CROT: variants seen among roughly 807,000 people sequenced by gnomAD.
The protein encoded by CROT is carnitine O-octanoyltransferase.
Under a neutral mutation model 89.2 loss-of-function variants are expected in CROT, and 84 were observed. The ratio of observed to expected loss-of-function variants is 0.94; its 90% CI spans 0.79 to 1.13. The LOEUF is 1.13. Ranked by LOEUF, CROT falls within the 50% of genes most tolerant of loss-of-function variation. CROT has a pLI of 0.00. For synonymous variants in CROT, 212 were observed against 239.5 expected, an observed-to-expected ratio of 0.89 and a Z score of 1.06; for missense variants, 711 against 727.8, an observed-to-expected ratio of 0.98 and a Z score of 0.27.
chr7:87,360,921 C>A (rs1044962996), intron 4 of CROT, among the ~76,000 whole-genome samples: 3 of 152,248 alleles, frequency 2.0e-5, no homozygotes, highest in South Asian at 4.1e-4. Context: ...GAAATTATCA[C>A]AATAACATTT....
At chr7:87,387,517 G>A (rs7800628) in intron 13 of CROT, among the ~76,000 whole-genome samples, 12,340 of 151,302 alleles carry the variant, frequency 0.082, 541 homozygotes, top group South Asian at 0.16. Context: ...GGGTCCCCAA[G>A]CCCCCAGTGC....
intron 13 of CROT, among the ~76,000 whole-genome samples, chr7:87,384,732 T>TC (rs572565226): frequency 6.6e-6 from 1 of 152,222 alleles, no homozygotes; most frequent in South Asian, 2.1e-4. Flanking sequence ...ATCCCATTCG[T>TC]CCATTTCTGC....
At chr7:87,350,059 C>T (rs979121070) in intron 3 of CROT, among the ~76,000 whole-genome samples, 7 of 152,080 alleles carry the variant, frequency 4.6e-5, no homozygotes, top group African/African-American at 1.7e-4. Context: ...ACAATAAACA[C>T]AACAGAAATA....
intron 3 of CROT, among the ~76,000 whole-genome samples, chr7:87,357,125 G>A (rs989603160): frequency 5.3e-5 from 8 of 152,152 alleles, no homozygotes; most frequent in Non-Finnish European, 1.2e-4. Flanking sequence ...AGGCAAGTGT[G>A]GAAAGTGAAT....
rs1347957160 is a variant in CROT at position 87,371,808 on chromosome 7, T to C, written c.656+2324T>C. Among the ~76,000 whole-genome samples the C allele has an allele frequency of 2.0e-5, 3 of 151,930 alleles. No individual in the cohort carries two copies. In the East Asian group the frequency reaches 5.8e-4, roughly 29 times the overall value. On this transcript the variant is annotated intron_variant, in intron 7 of 17. Transcript: ENST00000331536. ...GAGTTGAAGACCAGCCTGGGCAACA[T>C]AGGGGGACCCTGTCTCTATAAAAAG...
intron 6 of CROT, among the ~76,000 whole-genome samples, chr7:87,368,562 A>G (rs569666146): frequency 1.3e-5 from 2 of 152,210 alleles, no homozygotes; most frequent in Admixed American, 6.5e-5. Context: ...GTTCTTCCTC[A>G]TAGTTGATGA....
Position 87,361,511 on chromosome 7 carries a change from A to G in CROT, c.362A>G (p.Gln121Arg), listed in dbSNP as rs140945935. ...EHYWPPKEGT[Q>R]LERGSITLWH... is the part of the protein sequence containing the mutation. ...TACTGGCCTCCAAAGGAAGGGACTCAATTAGAAAGAGGAAGTATAACTCTT... is the reference window on the plus strand; with the variant it reads ...TACTGGCCTCCAAAGGAAGGGACTCGATTAGAAAGAGGAAGTATAACTCTT... Residue 121 changes from glutamine (Q) to arginine (R), a missense_variant, in exon 5 of 18, where the codon CAA (glutamine) becomes CGA (arginine). By Grantham distance (43) the Gln-to-Arg change is conservative. Transcript: ENST00000331536. 4 of 1,612,064 alleles carry G rather than the reference A, an allele frequency of 2.5e-6. No individual in the cohort carries two copies. In the African/African-American group the frequency reaches 5.4e-5, roughly 22 times the overall value.
intron 17 of CROT, among the ~76,000 whole-genome samples, chr7:87,395,481 C>T (rs971881549): frequency 9.2e-5 from 14 of 152,180 alleles, no homozygotes; most frequent in Non-Finnish European, 2.9e-5. Flanking sequence ...AAGCAAGCAT[C>T]AGGCTTTAAG....
intron 3 of CROT, among the ~76,000 whole-genome samples, chr7:87,354,963 T>G (rs1171465241): frequency 6.6e-6 from 1 of 152,220 alleles, no homozygotes; most frequent in African/African-American, 2.4e-5. Context: ...TATGACATGC[T>G]TGGACTTTCT....
chr7:87,357,662 G>A, intron 3 of CROT: 1 of 692,192 alleles, frequency 1.4e-6, no homozygotes, highest in East Asian at 2.7e-5. Context: ...AGCGTCCTCA[G>A]AGGGCAAGCA....
chr7:87,361,854 T>G lies in CROT; in HGVS notation c.547+2T>G, dbSNP rs1284268726. ...CCATTATGAATTATTTTAGGACTGG[T>G]AAGTAAAAATGCAGATATCGTTTTT... On this transcript the variant is annotated splice_donor_variant, in intron 6 of 17. Transcript: ENST00000331536. LOFTEE classifies it high-confidence loss of function. 1 of 1,574,224 alleles carries G rather than the reference T, an allele frequency of 6.4e-7. No homozygotes were observed. The highest frequency in any genetic ancestry group is 8.6e-7 in the Non-Finnish European group (1 of 1,165,182).
intron 13 of CROT, among the ~76,000 whole-genome samples, chr7:87,383,817 A>G (rs1807102915): frequency 6.6e-6 from 1 of 151,984 alleles, no homozygotes; most frequent in Non-Finnish European, 1.5e-5. Context: ...TTATCCATAC[A>G]TCTGCTGGAC....
Position 87,359,278 on chromosome 7 carries a change from G to A in CROT, c.188G>A (p.Gly63Glu). 6.3e-7 allele frequency: 1 copy of A among 1,599,378 alleles called. No individual in the cohort carries two copies. The highest frequency in any genetic ancestry group is 8.6e-7 in the Non-Finnish European group (1 of 1,168,338). Residue 63 changes from glycine to glutamate, a missense_variant, in exon 4 of 18, where the codon GGA becomes GAA. Transcript: ENST00000331536. The stretch of plus-strand genomic sequence containing the variant: ...GTTCAAAAATTTCAAAGTGGGATTG[G>A]AGAAAAATTGCACCAGAAATTGCTT... The part of the protein sequence containing the change: ...EIVQKFQSGI[G>E]EKLHQKLLER...
At chr7:87,365,358 C>T (rs1472266322) in intron 6 of CROT, among the ~76,000 whole-genome samples, 2 of 152,076 alleles carry the variant, frequency 1.3e-5, no homozygotes, top group Non-Finnish European at 2.9e-5. Context: ...GGCACAGTGG[C>T]TCGCGCCTGT....
In CROT at chr7:87,377,417, C is replaced by T; in HGVS notation, c.945C>T (p.Ser315=). The change falls in exon 10 of 18, where the codon TCC becomes TCT. Residue 315 remains serine, a synonymous_variant. Coordinates refer to ENST00000331536, the MANE Select transcript of CROT (RefSeq NM_021151.4). ...GTGACAAATCCTATAACTTGATTTCCTTTTCTAATGGAGTATTTGGCTGTA... is the reference window on the plus strand; with the variant it reads ...GTGACAAATCCTATAACTTGATTTCTTTTTCTAATGGAGTATTTGGCTGTA... ...RWGDKSYNLI[S]FSNGVFGCNC... 6 of 1,610,488 alleles carry T rather than the reference C, an allele frequency of 3.7e-6. No homozygotes were observed. The highest frequency in any genetic ancestry group is 4.2e-6 in the Non-Finnish European group (5 of 1,177,406).
chr7:87,374,152 A>G (rs981121232), intron 7 of CROT, among the ~76,000 whole-genome samples: 2 of 152,096 alleles, frequency 1.3e-5, no homozygotes, highest in African/African-American at 4.8e-5. Flanking sequence ...TTTAATACAA[A>G]TCTTTGTGCT....
At chr7:87,362,257 G>C (rs1303221577) in intron 6 of CROT, among the ~76,000 whole-genome samples, 1 of 150,020 alleles carries the variant, frequency 6.7e-6, no homozygotes, top group African/African-American at 2.5e-5. Flanking sequence ...CTGTGAGTCT[G>C]CTTGTCCCTC....
chr7:87,364,487 C>A (rs557447028), intron 6 of CROT, among the ~76,000 whole-genome samples: 5 of 152,218 alleles, frequency 3.3e-5, no homozygotes, highest in East Asian at 1.9e-4. Flanking sequence ...TTGCCCTTGA[C>A]AAGAGCAGTT....
intron 10 of CROT, 54 bp downstream of exon 10, chr7:87,377,504 CA>C: frequency 8.8e-6 from 9 of 1,018,844 alleles, no homozygotes; most frequent in Non-Finnish European, 1.4e-5. Context: ...AAATTAATGA[CA>C]ATAAACCATA....
Sources: gnomAD v4.1 joint callset for allele counts (sites outside exome capture counted in the v4.1 genomes callset) on GRCh38, gnomAD v4.1.1 for gene constraint, MANE v1.5 for transcripts, NCBI Gene and HGNC (gene_info 2026-07-23, HGNC 2026-07-21) for gene names.